The following GATAD1 variants were observed in gnomAD, a reference collection of about 807,000 sequenced individuals.
The protein encoded by GATAD1 is GATA zinc finger domain containing 1, also known as GATA zinc finger domain-containing protein 1.
GATAD1 carries 12 observed loss-of-function variants against 26.5 expected under a neutral mutation model. The observed-to-expected ratio is 0.45, with a 90% confidence interval of 0.29 to 0.73. GATAD1 has a LOEUF of 0.73. Ranked by LOEUF, GATAD1 falls within the 30% of genes least tolerant of loss-of-function variation. GATAD1 has a pLI of 0.10. For missense variants in GATAD1, 266 were observed against 342.1 expected (o/e 0.78, Z 1.75); for synonymous variants, 129 against 133.1 (o/e 0.97, Z 0.21).
intron 1 of GATAD1, 52 bp downstream of exon 1, chr7:92,448,030 G>A: frequency 2.5e-6 from 3 of 1,184,150 alleles, no homozygotes; most frequent in East Asian, 3.5e-5. Flanking sequence ...GTGCTAGGCG[G>A]GCGGGGACGG....
intron 1 of GATAD1, among the ~76,000 whole-genome samples, chr7:92,448,404 A>G (rs1475982607): frequency 6.6e-6 from 1 of 152,184 alleles, no homozygotes; most frequent in Admixed American, 6.5e-5. Context: ...CTTAGGGAGT[A>G]AAGTTGTTAA....
At chr7:92,448,962 G>T in intron 2 of GATAD1, 85 bp downstream of exon 2, 1 of 1,391,988 alleles carries the variant, frequency 7.2e-7, no homozygotes. Flanking sequence ...ATTGAACTTG[G>T]ACTCTGCCCT....
chr7:92,452,401 G>A (rs927853650), intron 3 of GATAD1, among the ~76,000 whole-genome samples: 2 of 152,230 alleles, frequency 1.3e-5, no homozygotes, highest in African/African-American at 2.4e-5. Flanking sequence ...AAGTTCAAGA[G>A]GTCACTGCCA....
intron 3 of GATAD1, among the ~76,000 whole-genome samples, chr7:92,451,006 G>C (rs1789406263): frequency 6.6e-6 from 1 of 152,052 alleles, no homozygotes; most frequent in Admixed American, 6.6e-5. Context: ...TTTTTTTTTA[G>C]TGTAGATTGT....
chr7:92,489,953 G>C, the GATAD1 span: 1 of 1,489,100 alleles, frequency 6.7e-7, no homozygotes. Flanking sequence ...AAGGAAGAGG[G>C]GGAGAGAAAA....
the GATAD1 span, chr7:92,469,690 T>C: frequency 6.5e-6 from 5 of 764,354 alleles, no homozygotes; most frequent in East Asian, 2.4e-5. Flanking sequence ...GTTTGAGGTA[T>C]GGGTTATTTC....
chr7:92,450,852 C>T, intron 3 of GATAD1, 92 bp downstream of exon 3: 1 of 768,204 alleles, frequency 1.3e-6, no homozygotes, highest in Non-Finnish European at 2.3e-6. Context: ...CTCTGCTACT[C>T]TTTATTTGTA....
At chr7:92,475,037 G>A in the GATAD1 span, 1 of 152,124 alleles carries the variant, frequency 6.6e-6, no homozygotes, top group African/African-American at 2.4e-5. Context: ...AAGGCTTCCT[G>A]TAGGGCATAA....
Position 92,450,714 on chromosome 7 carries a change from C to T in GATAD1, c.389C>T (p.Pro130Leu), listed in dbSNP as rs1789390751. The change falls in exon 3 of 5, where the codon CCT becomes CTT. Residue 130 changes from proline to leucine, a missense_variant. Physicochemically the swap from Pro to Leu is moderately conservative, Grantham distance 98. Coordinates refer to ENST00000287957, the MANE Select transcript of GATAD1 (RefSeq NM_021167.5). Reference protein sequence around the residue: ...IFKLKNPIKAPESVSTIITAE... With the variant: ...IFKLKNPIKALESVSTIITAE... ...GTATTTTCATAGCCCATCAAAGCTC[C>T]TGAGTCAGTTTCCACTATAATCACT... 1 of 1,608,766 alleles carries T rather than the reference C, an allele frequency of 6.2e-7. No individual in the cohort carries two copies.
At chr7:92,449,520 A>T in intron 2 of GATAD1, 1 of 976,458 alleles carries the variant, frequency 1.0e-6, no homozygotes, top group Non-Finnish European at 1.2e-6. Context: ...ACAGTGCATT[A>T]TGGACTATTT....
chr7:92,451,394 A>G (rs1335935608), intron 3 of GATAD1, among the ~76,000 whole-genome samples: 4 of 152,010 alleles, frequency 2.6e-5, no homozygotes, highest in Non-Finnish European at 5.9e-5. Context: ...TAGAACATAG[A>G]CCCCCAAGGC....
chr7:92,452,863 C>T (rs1173894698), intron 3 of GATAD1, among the ~76,000 whole-genome samples: 1 of 152,220 alleles, frequency 6.6e-6, no homozygotes, highest in Non-Finnish European at 1.5e-5. Flanking sequence ...CTGTGTTATG[C>T]ATAGTAAGCC....
intron 3 of GATAD1, chr7:92,454,301 C>T: frequency 1.8e-6 from 1 of 544,510 alleles, no homozygotes; most frequent in South Asian, 2.4e-5. Flanking sequence ...ATATATGCAC[C>T]CTCGTATGTG....
chr7:92,448,033 GGGGACGGGCTGGCT>G (rs1789236865), intron 1 of GATAD1, 55 bp downstream of exon 1: 1 of 1,180,810 alleles, frequency 8.5e-7, no homozygotes, highest in African/African-American at 1.6e-5. Flanking sequence ...CTAGGCGGGC[GGGGACGGGCTGGCT>G]GGGAGCGGGC....
chr7:92,465,505 C>T, the GATAD1 span, among the ~76,000 whole-genome samples: 2 of 151,920 alleles, frequency 1.3e-5, no homozygotes, highest in Non-Finnish European at 2.9e-5. Flanking sequence ...GTAATCCCAG[C>T]TACTCCAGAG....
Position 92,447,546 on chromosome 7 carries a change from CGGAA to C in GATAD1, c.-183_-180del. 1.4e-6 allele frequency: 1 copy of C among 695,846 alleles called. No individual in the cohort carries two copies. Among genetic ancestry groups the C allele is most frequent in the Non-Finnish European group, 2.0e-6 (1 of 495,308 alleles). 43.1% of individuals were successfully genotyped at this position (695,846 alleles called of 1,614,324 possible). A position where few individuals can be genotyped will look rare whatever the true frequency, so the allele number is the denominator to read the frequency against. On this transcript the variant is annotated 5_prime_UTR_variant, in exon 1 of 5. Transcript: ENST00000287957. ...TCCTGGCCTCCGCCTGCGGAGCCGG[CGGAA>C]CCCGCTTCCCGCCTCCACGGGGCAG...
downstream of GATAD1, among the ~76,000 whole-genome samples, chr7:92,460,541 C>T (rs1562824787): frequency 2.0e-5 from 3 of 152,036 alleles, no homozygotes; most frequent in South Asian, 4.1e-4. Flanking sequence ...GAAGATTGCT[C>T]GTAGTAGCGG....
At chr7:92,469,474 T>C in the GATAD1 span, 1 of 767,812 alleles carries the variant, frequency 1.3e-6, no homozygotes, top group Non-Finnish European at 2.4e-6. Context: ...GTATAAATCT[T>C]GTTCAGTGTA....
chr7:92,467,027 T>C, the GATAD1 span, among the ~76,000 whole-genome samples: 5 of 151,772 alleles, frequency 3.3e-5, no homozygotes, highest in Non-Finnish European at 7.4e-5. Context: ...TATCTGTATA[T>C]GTATTTCAGG....
Sources: allele counts gnomAD v4.1 joint callset (sites outside exome capture counted in the v4.1 genomes callset), GRCh38; gene constraint gnomAD v4.1.1; transcripts MANE v1.5; gene names NCBI Gene and HGNC (gene_info 2026-07-23, HGNC 2026-07-21).